KALRN: variants seen among roughly 807,000 people sequenced by gnomAD.
KALRN encodes the protein kalirin.
Under a neutral mutation model 353.7 loss-of-function variants are expected in KALRN, and 70 were observed. The ratio of observed to expected loss-of-function variants is 0.20; its 90% CI spans 0.16 to 0.24. The LOEUF (loss-of-function observed/expected upper bound fraction) is 0.24, where lower values mean the gene tolerates loss of function less well. KALRN is among the 10% of genes least tolerant of loss of function. KALRN has a pLI of 1.00. For missense variants in KALRN, 2,791 were observed against 3,756.7 expected, an observed-to-expected ratio of 0.74 and a Z score of 6.72; for synonymous variants, 1,391 against 1,434.8, an observed-to-expected ratio of 0.97 and a Z score of 0.69.
intron 28 of KALRN, among the ~76,000 whole-genome samples, chr3:124,484,665 A>G (rs1302480775): frequency 6.6e-6 from 1 of 152,098 alleles, no homozygotes; most frequent in African/African-American, 2.4e-5. Context: ...TCTTTAGATG[A>G]CAGCTGCATA....
chr3:124,453,041 C>T (rs2058948349), intron 21 of KALRN, among the ~76,000 whole-genome samples: 1 of 152,086 alleles, frequency 6.6e-6, no homozygotes, highest in African/African-American at 2.4e-5. Context: ...ATAAAAAACA[C>T]CCTACATGCA....
At chr3:124,152,521 T>C in intron 1 of KALRN, 1 of 735,904 alleles carries the variant, frequency 1.4e-6, no homozygotes, top group South Asian at 1.5e-5. Flanking sequence ...ATATTCCTTG[T>C]TACAGTGCTT....
At chr3:124,229,102 G>A (rs1353316391) in intron 2 of KALRN, among the ~76,000 whole-genome samples, 1 of 152,000 alleles carries the variant, frequency 6.6e-6, no homozygotes, top group Non-Finnish European at 1.5e-5. Context: ...ATGTTTGTGG[G>A]CTATTATTCA....
rs2077050404 is a variant in KALRN, at chr3:124,298,887, C to T, written c.1066C>T (p.His356Tyr). Residue 356 changes from histidine (H) to tyrosine (Y), a missense_variant, in exon 6 of 60, where the codon CAC becomes TAC. This residue lies in a region of KALRN where 366 missense variants were observed against 489.2 expected (regional missense o/e 0.75). Transcript: ENST00000682506. ...YQYALDLQTQ[H>Y]NHFAMNSMNA... ...GTACGCCCTTGACCTCCAGACGCAG[C>T]ACAATCACTTTGCCATGAACTCCAT... is the stretch of plus-strand genomic sequence containing the variant. 1 of 1,614,208 alleles carries T rather than the reference C, an allele frequency of 6.2e-7. No individual in the cohort carries two copies. Among genetic ancestry groups the T allele is most frequent in the Non-Finnish European group, 8.5e-7 (1 of 1,180,024 alleles).
chr3:124,284,667 A>G (rs927561902), intron 5 of KALRN, among the ~76,000 whole-genome samples: 3 of 152,284 alleles, frequency 2.0e-5, no homozygotes, highest in South Asian at 2.1e-4. Context: ...GTCTAACCCA[A>G]TGTCTGGAAT....
At chr3:124,154,607 A>T (rs1447393114) in intron 1 of KALRN, among the ~76,000 whole-genome samples, 1 of 152,230 alleles carries the variant, frequency 6.6e-6, no homozygotes, top group African/African-American at 2.4e-5. Flanking sequence ...CAATGAAATA[A>T]AAGAGGATAC....
chr3:124,501,677 G>A (rs1187604854), intron 33 of KALRN, among the ~76,000 whole-genome samples: 2 of 152,086 alleles, frequency 1.3e-5, no homozygotes, highest in East Asian at 3.8e-4. Flanking sequence ...CCTGCACACT[G>A]GGAGGCCACT....
chr3:124,323,039 A>G (rs2079507696), intron 6 of KALRN, among the ~76,000 whole-genome samples: 1 of 152,208 alleles, frequency 6.6e-6, no homozygotes, highest in African/African-American at 2.4e-5. Flanking sequence ...TTTGTGAGGC[A>G]TAATTATTTG....
At chr3:124,638,911 A>G (rs1170805720) in intron 37 of KALRN, among the ~76,000 whole-genome samples, 1 of 149,932 alleles carries the variant, frequency 6.7e-6, no homozygotes, top group Non-Finnish European at 1.5e-5. Context: ...TAAACAAGTT[A>G]CATGTTTGGG....
At chr3:124,179,979 A>G (rs547029212) in intron 1 of KALRN, among the ~76,000 whole-genome samples, 1 of 152,324 alleles carries the variant, frequency 6.6e-6, no homozygotes, top group East Asian at 1.9e-4. Context: ...ATTTTAAAGG[A>G]ATGAATGCCC....
intron 34 of KALRN, among the ~76,000 whole-genome samples, chr3:124,608,582 C>T (rs143770493): frequency 1.3e-5 from 2 of 152,238 alleles, no homozygotes; most frequent in African/African-American, 4.8e-5. Context: ...TTTTGCTTCT[C>T]CCTAGCTCAG....
intron 51 of KALRN, among the ~76,000 whole-genome samples, chr3:124,689,026 C>T (rs1443804165): frequency 2.0e-5 from 3 of 152,156 alleles, no homozygotes; most frequent in Admixed American, 2.0e-4. Flanking sequence ...ACCTGCTGCC[C>T]TCTGCTGGTC....
intron 3 of KALRN, among the ~76,000 whole-genome samples, chr3:124,254,918 C>T (rs1435280945): frequency 6.6e-6 from 1 of 151,714 alleles, no homozygotes; most frequent in Non-Finnish European, 1.5e-5. Context: ...GGCCTTTGCA[C>T]AGGCTGTTCC....
chr3:124,080,588 G>A (rs1434357066), intron 1 of KALRN, among the ~76,000 whole-genome samples: 1 of 152,176 alleles, frequency 6.6e-6, no homozygotes, highest in Non-Finnish European at 1.5e-5. Context: ...TCACAGTGTG[G>A]ATATTCCATA....
intron 36 of KALRN, among the ~76,000 whole-genome samples, chr3:124,635,918 A>G (rs978288442): frequency 1.3e-5 from 2 of 152,068 alleles, no homozygotes; most frequent in East Asian, 1.9e-4. Flanking sequence ...GTTTGCTACT[A>G]TGGCTAATAC....
chr3:124,272,975 G>T (rs966334158), intron 5 of KALRN, among the ~76,000 whole-genome samples: 4 of 152,222 alleles, frequency 2.6e-5, no homozygotes, highest in Non-Finnish European at 4.4e-5. Context: ...GTGGGAGGCT[G>T]GTTGGCGGAG....
chr3:124,107,951 A>G (rs1038347555), intron 1 of KALRN, among the ~76,000 whole-genome samples: 3 of 152,188 alleles, frequency 2.0e-5, no homozygotes, highest in Non-Finnish European at 4.4e-5. Flanking sequence ...TACACAGATC[A>G]GAGTTAACAA....
intron 29 of KALRN, 128 bp downstream of exon 29, chr3:124,488,443 G>C (rs571145049): frequency 1.5e-6 from 1 of 684,342 alleles, no homozygotes; most frequent in Non-Finnish European, 2.6e-6. Flanking sequence ...ATGACAAGTA[G>C]TTACATAGGC....
intron 33 of KALRN, among the ~76,000 whole-genome samples, chr3:124,559,560 C>T (rs1291732799): frequency 6.6e-6 from 1 of 152,188 alleles, no homozygotes; most frequent in Non-Finnish European, 1.5e-5. Context: ...GAGAAGATTC[C>T]AGAAGCAGGG....
Sources: gnomAD v4.1 joint callset for allele counts (sites outside exome capture counted in the v4.1 genomes callset) on GRCh38, gnomAD v4.1.1 for gene constraint, gnomAD v4.1.1 regional missense constraint, MANE v1.5 for transcripts, NCBI Gene and HGNC (gene_info 2026-07-23, HGNC 2026-07-21) for gene names.